Variants in SMYD3 observed in about 807,000 individuals in gnomAD.
SMYD3 encodes SET and MYND domain containing 3.
A neutral mutation model predicts 57.7 loss-of-function variants in SMYD3; 36 were observed. The ratio of observed to expected loss-of-function variants is 0.62; its 90% CI spans 0.48 to 0.82. The LOEUF (loss-of-function observed/expected upper bound fraction) is 0.82. Ranked by LOEUF, SMYD3 falls within the 40% of genes least tolerant of loss-of-function variation. The pLI, the probability that SMYD3 is intolerant of heterozygous loss-of-function variation, is 0.00. For synonymous variants in SMYD3, 211 were observed against 195.0 expected (o/e 1.08, Z -0.68); for missense variants, 515 against 538.8 (o/e 0.96, Z 0.44).
intron 10 of SMYD3, among the ~76,000 whole-genome samples, chr1:245,850,698 G>A (rs1288340375): frequency 6.6e-6 from 1 of 152,104 alleles, no homozygotes; most frequent in African/African-American, 2.4e-5. Flanking sequence ...AAGACCCTGT[G>A]TCTCAAAAAA....
chr1:246,115,803 A>G (rs887539005), intron 5 of SMYD3, among the ~76,000 whole-genome samples: 3 of 152,230 alleles, frequency 2.0e-5, no homozygotes, highest in Non-Finnish European at 4.4e-5. Flanking sequence ...TAGCACTGGA[A>G]AGAGATAATA....
chr1:246,080,507 C>A (rs563051505), intron 5 of SMYD3, among the ~76,000 whole-genome samples: 1 of 152,140 alleles, frequency 6.6e-6, no homozygotes, highest in Non-Finnish European at 1.5e-5. Flanking sequence ...CTGTCTTCCA[C>A]GAAACTGGTT....
At chr1:246,177,420 A>T (rs1394350829) in intron 5 of SMYD3, among the ~76,000 whole-genome samples, 1 of 152,254 alleles carries the variant, frequency 6.6e-6, no homozygotes, top group Non-Finnish European at 1.5e-5. Context: ...TAAATTCTAG[A>T]CATGGCAGCC....
At chr1:246,415,320 G>T (rs1345626128) in intron 1 of SMYD3, among the ~76,000 whole-genome samples, 1 of 152,186 alleles carries the variant, frequency 6.6e-6, no homozygotes, top group Non-Finnish European at 1.5e-5. Context: ...AAAGGCAAGT[G>T]TTGTGGGCTC....
intron 1 of SMYD3, among the ~76,000 whole-genome samples, chr1:246,369,233 C>T (rs913986136): frequency 5.3e-5 from 8 of 152,128 alleles, no homozygotes; most frequent in African/African-American, 1.9e-4. Flanking sequence ...AAATTGCAAA[C>T]TTTCAAGATG....
intron 11 of SMYD3, among the ~76,000 whole-genome samples, chr1:245,750,426 T>A (rs1336943872): frequency 6.6e-6 from 1 of 152,180 alleles, no homozygotes; most frequent in Non-Finnish European, 1.5e-5. Flanking sequence ...TTTCAAGTCA[T>A]TCTAGACAAG....
intron 5 of SMYD3, among the ~76,000 whole-genome samples, chr1:246,085,708 G>A (rs944480677): frequency 9.2e-5 from 14 of 151,842 alleles, no homozygotes; most frequent in African/African-American, 3.4e-4. Flanking sequence ...CTGCTTCTTC[G>A]GGTCTTCATT....
chr1:246,261,975 A>G (rs1423197039), intron 5 of SMYD3, among the ~76,000 whole-genome samples: 2 of 152,196 alleles, frequency 1.3e-5, no homozygotes, highest in South Asian at 2.1e-4. Flanking sequence ...TCAAATTCCA[A>G]TACCTACTGA....
chr1:246,431,567 T>C (rs1212831422), intron 1 of SMYD3, among the ~76,000 whole-genome samples: 3 of 151,998 alleles, frequency 2.0e-5, no homozygotes, highest in Non-Finnish European at 4.4e-5. Flanking sequence ...CTATCTCTAC[T>C]AAAAATACAA....
At chr1:245,985,779 T>C (rs1441616971) in intron 5 of SMYD3, among the ~76,000 whole-genome samples, 2 of 152,214 alleles carry the variant, frequency 1.3e-5, no homozygotes, top group African/African-American at 4.8e-5. Flanking sequence ...ATATATTTTA[T>C]TCCCTCTGCT....
chr1:246,413,965 A>G (rs992290825), intron 1 of SMYD3, among the ~76,000 whole-genome samples: 1 of 152,232 alleles, frequency 6.6e-6, no homozygotes, highest in African/African-American at 2.4e-5. Context: ...TACGAATTAA[A>G]TATCTTCTTT....
intron 5 of SMYD3, among the ~76,000 whole-genome samples, chr1:245,978,828 C>A (rs1225227363): frequency 3.3e-5 from 5 of 152,156 alleles, no homozygotes. Flanking sequence ...CCCTCCAACA[C>A]TACGAAGGCA....
At chr1:246,188,401 A>C (rs2062679178) in intron 5 of SMYD3, among the ~76,000 whole-genome samples, 2 of 152,082 alleles carry the variant, frequency 1.3e-5, no homozygotes, top group African/African-American at 4.8e-5. Flanking sequence ...GCAAAGATTC[A>C]CTTCACTGAC....
chr1:246,337,517 A>G (rs557514797), intron 2 of SMYD3, among the ~76,000 whole-genome samples: 3 of 152,214 alleles, frequency 2.0e-5, no homozygotes, highest in African/African-American at 2.4e-5. Flanking sequence ...AGGGAGAACC[A>G]TAACTTTGGC....
intron 1 of SMYD3, among the ~76,000 whole-genome samples, chr1:246,382,150 G>A (rs10924715): frequency 0.36 from 43,316 of 119,250 alleles, 7,364 homozygotes; most frequent in East Asian, 0.75. Context: ...CGCAGGCTCC[G>A]GGCCAGTTCC....
At chr1:245,816,128 G>A (rs1239814179) in intron 10 of SMYD3, among the ~76,000 whole-genome samples, 1 of 152,194 alleles carries the variant, frequency 6.6e-6, no homozygotes. Flanking sequence ...CTAGAGAAAA[G>A]CATAATAAAT....
At chr1:246,400,552 A>T (rs532550310) in intron 1 of SMYD3, among the ~76,000 whole-genome samples, 25 of 152,320 alleles carry the variant, frequency 1.6e-4, no homozygotes, top group South Asian at 4.1e-4. Context: ...CCATTTTTTT[A>T]AAATTATTTC....
chr1:246,247,709 C>A (rs189066735), intron 5 of SMYD3, among the ~76,000 whole-genome samples: 4 of 152,044 alleles, frequency 2.6e-5, no homozygotes, highest in Non-Finnish European at 5.9e-5. Flanking sequence ...TGGCAAAATG[C>A]TTCCCAAAGT....
At chr1:245,929,479 T>A (rs1056903101) in intron 6 of SMYD3, among the ~76,000 whole-genome samples, 9 of 152,084 alleles carry the variant, frequency 5.9e-5, no homozygotes, top group African/African-American at 2.2e-4. Context: ...GTGTGCCAAC[T>A]CGAAAGACAA....
Sources: allele counts gnomAD v4.1 joint callset (sites outside exome capture counted in the v4.1 genomes callset), GRCh38; gene constraint gnomAD v4.1.1; transcripts MANE v1.5; gene names NCBI Gene and HGNC (gene_info 2026-07-23, HGNC 2026-07-21).